Variants in HNRNPF observed in about 807,000 individuals in gnomAD.
The protein encoded by HNRNPF is heterogeneous nuclear ribonucleoprotein F.
Under a neutral mutation model 26.0 loss-of-function variants are expected in HNRNPF, and 2 were observed. The ratio of observed to expected loss-of-function variants is 0.08; its 90% CI spans 0.03 to 0.24. The LOEUF (loss-of-function observed/expected upper bound fraction) is 0.24. Ranked by LOEUF, HNRNPF falls within the 10% of genes least tolerant of loss-of-function variation. The pLI, the probability that HNRNPF is intolerant of heterozygous loss-of-function variation, is 1.00. For synonymous variants in HNRNPF, 234 were observed against 211.5 expected (o/e 1.11, Z -0.92); for missense variants, 299 against 539.2 (o/e 0.55, Z 4.41).
rs1405099630 is a variant in HNRNPF, at chr10:43,387,567, G to A, written c.318C>T (p.Asp106=). 11 of 1,614,054 alleles carry A rather than the reference G, an allele frequency of 6.8e-6. No individual in the cohort carries two copies. The highest frequency in any genetic ancestry group is 9.3e-6 in the Non-Finnish European group (11 of 1,180,016). ...VLKHSGPNSA[D]SANDGFVRLR... is the part of the protein sequence containing the mutation. ...GCCGCACGAAGCCATCGTTGGCGCT[G>A]TCGGCACTGTTGGGACCACTGTGCT... Residue 106 remains aspartate, a synonymous_variant, in exon 4 of 4, where the codon GAC becomes GAT. Coordinates refer to ENST00000682386, the MANE Select transcript of HNRNPF (RefSeq NM_001098204.2). The surrounding 1 kb of genome is among the most constrained non-coding windows in gnomAD (Gnocchi z 6.0).
chr10:43,397,896 T>G (rs754691391), intron 1 of HNRNPF, among the ~76,000 whole-genome samples: 18 of 152,254 alleles, frequency 1.2e-4, no homozygotes, highest in Non-Finnish European at 2.4e-4. Flanking sequence ...TGTTTCAGAT[T>G]ACGTGGAAAG....
Position 43,387,742 on chromosome 10 carries a change from G to A in HNRNPF, c.143C>T (p.Thr48Ile). The A allele has an allele frequency of 1.9e-6, 3 of 1,614,052 alleles. No individual in the cohort carries two copies. The highest frequency in any genetic ancestry group is 2.5e-6 in the Non-Finnish European group (3 of 1,180,024). ...CTCACCACTCTGCCTGCCCTCTCTA[G>A]TGTAGATGAAATGGACACCTGCGGC... is the stretch of plus-strand genomic sequence containing the variant. Reference protein sequence around the residue: ...DGAAGVHFIYTREGRQSGEAF... With the variant: ...DGAAGVHFIYIREGRQSGEAF... Residue 48 changes from threonine (T) to isoleucine (I), a missense_variant, in exon 4 of 4, where the codon ACT becomes ATT. Around this residue, in one of 6 missense-constraint regions of HNRNPF, gnomAD observed 104 missense variants for 239.0 expected, o/e 0.44. Transcript: ENST00000682386. The surrounding 1 kb of genome is among the most constrained non-coding windows in gnomAD (Gnocchi z 6.0).
rs1838033895 is a variant in HNRNPF at position 43,386,619 on chromosome 10, C to T, written c.*18G>A. On this transcript the variant is annotated 3_prime_UTR_variant, in exon 4 of 4. Coordinates refer to ENST00000682386, the MANE Select transcript of HNRNPF (RefSeq NM_001098204.2). ...GCCTGTGAAAATGATTGAAGTAACT[C>T]AAATGTTCCTAACAAAACTAGTCAT... The T allele has an allele frequency of 6.6e-7, 1 of 1,522,074 alleles. No homozygotes were observed. Among genetic ancestry groups the T allele is most frequent in the Non-Finnish European group, 8.8e-7 (1 of 1,139,802 alleles). 94.3% of individuals were successfully genotyped at this position (1,522,074 alleles called of 1,614,324 possible).
chr10:43,386,486 GA>G lies in HNRNPF; in HGVS notation c.*150del. ...CATGCTAGAAGAAAATTTTGCATGAGAAAACACTGAAGAGGTAATTTTTTAA... is the reference window on the plus strand; with the variant it reads ...CATGCTAGAAGAAAATTTTGCATGAGAAACACTGAAGAGGTAATTTTTTAA... On this transcript the variant is annotated 3_prime_UTR_variant, in exon 4 of 4. Transcript: ENST00000682386. The G allele has an allele frequency of 1.4e-6, 1 of 710,478 alleles. No homozygotes were observed. The highest frequency in any genetic ancestry group is 2.2e-6 in the Non-Finnish European group (1 of 448,792). The allele number at this position is 710,478 out of a possible 1,614,324, so 44.0% of individuals were successfully genotyped here. A position where few individuals can be genotyped will look rare whatever the true frequency, so the allele number is the denominator to read the frequency against.
intron 3 of HNRNPF, among the ~76,000 whole-genome samples, chr10:43,391,740 C>T (rs1290334241): frequency 6.6e-6 from 1 of 152,292 alleles, no homozygotes; most frequent in East Asian, 1.9e-4. Flanking sequence ...CTGGGTCCAA[C>T]CTCACATACC....
intron 2 of HNRNPF, 113 bp from the exon 3 acceptor site, chr10:43,394,801 C>T (rs924393997): frequency 7.9e-5 from 12 of 152,086 alleles, no homozygotes; most frequent in African/African-American, 2.7e-4. Flanking sequence ...TTATATAGCC[C>T]GTGGGTTTAA....
intron 1 of HNRNPF, chr10:43,397,243 G>A (rs1443612971): frequency 1.3e-5 from 2 of 152,248 alleles, no homozygotes; most frequent in African/African-American, 4.8e-5. Context: ...TCCGGGAAGC[G>A]GAGGCCTCGT....
rs1313826944 is a variant in HNRNPF at position 43,386,670 on chromosome 10, G to A, written c.1215C>T (p.Tyr405=). The part of the protein sequence containing the change: ...QSVSGCYGAG[Y]SGQNSMGGYD Reference sequence around the variant, plus strand: ...AGCCACCCATGCTGTTCTGCCCACTGTAGCCGGCCCCGTAACAGCCACTCA... The same window carrying A: ...AGCCACCCATGCTGTTCTGCCCACTATAGCCGGCCCCGTAACAGCCACTCA... Residue 405 remains tyrosine (Y), a synonymous_variant, in exon 4 of 4, where the codon TAC becomes TAT. Coordinates refer to ENST00000682386, the MANE Select transcript of HNRNPF (RefSeq NM_001098204.2). The A allele has an allele frequency of 2.5e-6, 4 of 1,581,128 alleles. No individual in the cohort carries two copies. The highest frequency in any genetic ancestry group is 3.4e-6 in the Non-Finnish European group (4 of 1,169,738).
chr10:43,394,124 C>T (rs1838364789), intron 3 of HNRNPF, among the ~76,000 whole-genome samples: 1 of 152,220 alleles, frequency 6.6e-6, no homozygotes, highest in Non-Finnish European at 1.5e-5. Context: ...ATCCTCAGCA[C>T]AGACTTGACC....
chr10:43,391,748 AC>A (rs1838257905), intron 3 of HNRNPF, among the ~76,000 whole-genome samples: 1 of 151,596 alleles, frequency 6.6e-6, no homozygotes, highest in South Asian at 2.1e-4. Context: ...AACCTCACAT[AC>A]CCCGGAGCCA....
At position 43,386,552 on chromosome 10, in the gene HNRNPF, CCAGCTT is replaced by C. The variant is rs1838030223; in HGVS notation, c.*79_*84del. On this transcript the variant is annotated 3_prime_UTR_variant, in exon 4 of 4. Coordinates refer to ENST00000682386, the MANE Select transcript of HNRNPF (RefSeq NM_001098204.2). The stretch of plus-strand genomic sequence containing the variant: ...AAACTCATGGTGCAAAATGGGTCCC[CCAGCTT>C]CCTCTATTATAACTGCTCTTAATTG... 7.7e-7 allele frequency: 1 copy of C among 1,302,168 alleles called. No individual in the cohort carries two copies. Among genetic ancestry groups the C allele is most frequent in the African/African-American group, 1.5e-5 (1 of 67,458 alleles). The allele number at this position is 1,302,168 out of a possible 1,614,324, so 80.7% of individuals were successfully genotyped here. A position where few individuals can be genotyped will look rare whatever the true frequency, so the allele number is the denominator to read the frequency against.
At chr10:43,406,753 C>T (rs1838932011) in intron 1 of HNRNPF, among the ~76,000 whole-genome samples, 1 of 151,872 alleles carries the variant, frequency 6.6e-6, no homozygotes, top group South Asian at 2.1e-4. Flanking sequence ...AGCGATCCTC[C>T]CACACCTCGG....
chr10:43,390,613 C>CTG (rs1838205340), intron 3 of HNRNPF, among the ~76,000 whole-genome samples: 1 of 152,146 alleles, frequency 6.6e-6, no homozygotes, highest in Non-Finnish European at 1.5e-5. Flanking sequence ...CAGCTTAGAG[C>CTG]AAGTATCATT....
intron 1 of HNRNPF, among the ~76,000 whole-genome samples, chr10:43,403,249 C>G (rs534438954): frequency 2.6e-5 from 4 of 152,118 alleles, no homozygotes; most frequent in Non-Finnish European, 4.4e-5. Context: ...GACTCCTGGC[C>G]TCAAGCAATC....
In HNRNPF at chr10:43,393,191, G is replaced by A. The variant is rs117356292; in HGVS notation, c.-53+1439C>T. ...CTCAGTAATTCTTTTCTTTGTAATG[G>A]GAGTTATCAAATTGTCATTTTCTTT... On this transcript the variant is annotated intron_variant, in intron 3 of 3. Coordinates refer to ENST00000682386, the MANE Select transcript of HNRNPF (RefSeq NM_001098204.2). Among the ~76,000 whole-genome samples the A allele has an allele frequency of 1.1e-3, 166 of 152,216 alleles. 1 individual carries two copies. The highest frequency in any genetic ancestry group is 3.4e-3 in the Middle Eastern group (1 of 294).
Position 43,386,448 on chromosome 10 carries a change from T to C in HNRNPF, c.*189A>G. 1 of 548,608 alleles carries C rather than the reference T, an allele frequency of 1.8e-6. No individual in the cohort carries two copies. The highest frequency in any genetic ancestry group is 3.1e-5 in the South Asian group (1 of 32,768). The allele number at this position is 548,608 out of a possible 1,614,324, so 34.0% of individuals were successfully genotyped here. On this transcript the variant is annotated 3_prime_UTR_variant, in exon 4 of 4. Transcript: ENST00000682386. ...GAGAAAAGCTGAAAATAGTTTTAGT[T>C]TACTCATTATCACATGCTAGAAGAA...
At chr10:43,407,261 C>A (rs1838951182) in intron 1 of HNRNPF, among the ~76,000 whole-genome samples, 1 of 151,432 alleles carries the variant, frequency 6.6e-6, no homozygotes, top group South Asian at 2.1e-4. Context: ...TCGCGCGCAG[C>A]CGCCAGCGCG....
In HNRNPF at chr10:43,387,575, T is replaced by C; in HGVS notation, c.310A>G (p.Ser104Gly). 2 of 1,614,188 alleles carry C rather than the reference T, an allele frequency of 1.2e-6. No individual in the cohort carries two copies. The highest frequency in any genetic ancestry group is 1.1e-5 in the South Asian group (1 of 91,084). The change falls in exon 4 of 4, where the codon AGT becomes GGT. Residue 104 changes from serine (S) to glycine (G), a missense_variant. By Grantham distance (56) the Ser-to-Gly change is moderately conservative. Around this residue, in one of 6 missense-constraint regions of HNRNPF, gnomAD observed 104 missense variants for 239.0 expected, o/e 0.44. Coordinates refer to ENST00000682386, the MANE Select transcript of HNRNPF (RefSeq NM_001098204.2). This position sits in a 1 kb window ranked among gnomAD's most constrained non-coding sequence, Gnocchi z 6.0. ...AAGCCATCGTTGGCGCTGTCGGCAC[T>C]GTTGGGACCACTGTGCTTCAACACC... ...DWVLKHSGPN[S>G]ADSANDGFVR...
At chr10:43,398,812 C>T (rs1317881250) in intron 1 of HNRNPF, among the ~76,000 whole-genome samples, 2 of 152,084 alleles carry the variant, frequency 1.3e-5, no homozygotes, top group Non-Finnish European at 2.9e-5. Context: ...CAACCACACC[C>T]GGCTAATACA....
Sources: gnomAD v4.1 joint callset for allele counts (sites outside exome capture counted in the v4.1 genomes callset) on GRCh38, gnomAD v4.1.1 for gene constraint, gnomAD v4.1.1 regional missense constraint, Gnocchi (gnomAD v3.1) non-coding constraint, MANE v1.5 for transcripts, NCBI Gene and HGNC (gene_info 2026-07-23, HGNC 2026-07-21) for gene names.